The following TRMT9B variants were observed in gnomAD, a reference collection of about 807,000 sequenced individuals.
TRMT9B encodes the protein probable tRNA methyltransferase 9B.
In TRMT9B, 16 loss-of-function variants were observed where a neutral mutation model predicts 11.5. That is an observed-to-expected ratio of 1.39 (90% CI 0.94 to 2.11). The LOEUF is 2.11. Among genes scored for constraint, TRMT9B ranks in the 30% most tolerant of loss-of-function variants. The probability of loss-of-function intolerance (pLI) is 0.00; values close to 1 mark genes in which losing one functional copy is unlikely to be tolerated. For missense variants in TRMT9B, 941 were observed against 553.8 expected (o/e 1.70, Z -7.02); for synonymous variants, 274 against 192.4 (o/e 1.42, Z -3.51).
At chr8:13,020,923 C>G (rs1212000563) in intron 4 of TRMT9B, 85 bp from the exon 5 acceptor site, 3 of 874,632 alleles carry the variant, frequency 3.4e-6, no homozygotes, top group Admixed American at 3.5e-5. Flanking sequence ...AAAATTTCAT[C>G]CTTGTTATAT....
At position 13,006,303 on chromosome 8, in the gene TRMT9B, G is replaced by C; in HGVS notation, c.101G>C (p.Arg34Pro). 2.5e-6 allele frequency: 4 copies of C among 1,613,720 alleles called. No individual in the cohort carries two copies. In the East Asian group the frequency reaches 8.9e-5, roughly 36 times the overall value. ...GACCTGCAGAGCAAAGCCTGGCCTC[G>C]TGTCCGCCAGTTCCTGCAAGAGCAG... ...FSDLQSKAWPRVRQFLQEQKP... is the reference protein window; with the variant it reads ...FSDLQSKAWPPVRQFLQEQKP... The change falls in exon 3 of 5, where the codon CGT (arginine) becomes CCT (proline). Residue 34 changes from arginine (R) to proline (P), a missense_variant. Arg to Pro is a moderately radical substitution (Grantham distance 103). Transcript: ENST00000524591.
chr8:13,012,911 T>G, intron 4 of TRMT9B, 54 bp downstream of exon 4: 1 of 1,590,174 alleles, frequency 6.3e-7, no homozygotes, highest in Non-Finnish European at 8.6e-7. Context: ...ATTGACCCGG[T>G]TTAGTCCGTT....
intron 1 of TRMT9B, among the ~76,000 whole-genome samples, chr8:12,953,894 C>T (rs182271836): frequency 6.6e-6 from 1 of 152,264 alleles, no homozygotes; most frequent in East Asian, 1.9e-4. Context: ...GCTTTATTAA[C>T]GCATTTGATC....
At position 13,020,598 on chromosome 8, in the gene TRMT9B, C is replaced by T. The variant is rs556305920; in HGVS notation, c.329-410C>T. Among the ~76,000 whole-genome samples the T allele has an allele frequency of 2.0e-5, 3 of 152,148 alleles. No homozygotes were observed. In the South Asian group the frequency reaches 6.2e-4, roughly 32 times the overall value. ...ATTGTTCATTAAAACAATGAATTAC[C>T]TCATAGAATTCAAAGGGAACATTTA... On this transcript the variant is annotated intron_variant, in intron 4 of 4. Coordinates refer to ENST00000524591, the MANE Select transcript of TRMT9B (RefSeq NM_020844.3).
At chr8:13,012,517 G>A (rs753276336) in intron 3 of TRMT9B, 167 bp from the exon 4 acceptor site, 57 of 860,646 alleles carry the variant, frequency 6.6e-5, no homozygotes, top group Non-Finnish European at 6.0e-5. Context: ...AGAGGTTGCA[G>A]TGAACCGAGA....
chr8:12,995,199 T>A (rs1179275559), intron 2 of TRMT9B, among the ~76,000 whole-genome samples: 1 of 152,226 alleles, frequency 6.6e-6, no homozygotes, highest in Non-Finnish European at 1.5e-5. Flanking sequence ...ATTGTTAACC[T>A]TTGGCATTAT....
intron 2 of TRMT9B, among the ~76,000 whole-genome samples, chr8:12,997,167 G>A (rs1335558654): frequency 6.6e-6 from 1 of 151,960 alleles, no homozygotes; most frequent in Non-Finnish European, 1.5e-5. Flanking sequence ...GTTAAAATGT[G>A]ACCCCCAATG....
At chr8:13,001,986 T>C (rs1422993095) in intron 2 of TRMT9B, among the ~76,000 whole-genome samples, 1 of 152,246 alleles carries the variant, frequency 6.6e-6, no homozygotes, top group Non-Finnish European at 1.5e-5. Context: ...ATAAAATTCA[T>C]GTGGAAACTA....
chr8:12,990,400 A>G (rs1197555249), intron 1 of TRMT9B, among the ~76,000 whole-genome samples: 1 of 152,220 alleles, frequency 6.6e-6, no homozygotes, highest in Non-Finnish European at 1.5e-5. Context: ...GTGAACAATG[A>G]TGAATAACTA....
chr8:12,955,901 T>G (rs1407769791), intron 1 of TRMT9B, among the ~76,000 whole-genome samples: 1 of 152,046 alleles, frequency 6.6e-6, no homozygotes, highest in Admixed American at 6.6e-5. Flanking sequence ...GCCTGGGGGC[T>G]GGGAATCAGA....
chr8:13,010,777 C>G, intron 3 of TRMT9B: 1 of 982,664 alleles, frequency 1.0e-6, no homozygotes, highest in Non-Finnish European at 1.2e-6. Flanking sequence ...GGTTATTTTT[C>G]TTAAAATAGG....
At chr8:12,968,455 C>G (rs997373553) in intron 1 of TRMT9B, among the ~76,000 whole-genome samples, 6 of 152,144 alleles carry the variant, frequency 3.9e-5, no homozygotes, top group Admixed American at 2.0e-4. Flanking sequence ...TTAGCAATTT[C>G]TGGTATATTT....
intron 1 of TRMT9B, among the ~76,000 whole-genome samples, chr8:12,971,882 A>G (rs1447805737): frequency 6.6e-6 from 1 of 152,160 alleles, no homozygotes; most frequent in Non-Finnish European, 1.5e-5. Flanking sequence ...GGGCCAGGCC[A>G]TGTTTAGAAT....
At chr8:13,017,656 C>T (rs950415838) in intron 4 of TRMT9B, among the ~76,000 whole-genome samples, 6 of 148,416 alleles carry the variant, frequency 4.0e-5, no homozygotes, top group African/African-American at 1.5e-4. Context: ...CTCTGTCACC[C>T]AGGTTGGAGT....
At position 13,027,657 on chromosome 8, in the gene TRMT9B, G is replaced by C. The variant is rs548577856; in HGVS notation, c.*5613G>C. The C allele has an allele frequency of 6.0e-6, 1 of 167,016 alleles. No homozygotes were observed. Among genetic ancestry groups the C allele is most frequent in the East Asian group, 1.9e-4 (1 of 5,188 alleles). 10.3% of individuals were successfully genotyped at this position (167,016 alleles called of 1,614,324 possible). A position where few individuals can be genotyped will look rare whatever the true frequency, so the allele number is the denominator to read the frequency against. ...TGACAAGTAATTCCCACATTCCCTAGATATATACTTGGATTTCAAATGCCA... is the reference window on the plus strand; with the variant it reads ...TGACAAGTAATTCCCACATTCCCTACATATATACTTGGATTTCAAATGCCA... On this transcript the variant is annotated 3_prime_UTR_variant, in exon 5 of 5. Coordinates refer to ENST00000524591, the MANE Select transcript of TRMT9B (RefSeq NM_020844.3).
At chr8:12,953,436 G>C (rs2977086) in intron 1 of TRMT9B, among the ~76,000 whole-genome samples, 109,479 of 151,790 alleles carry the variant, frequency 0.72, 40,156 homozygotes, top group Middle Eastern at 0.87. Context: ...TACAACTTCC[G>C]TCTCCCGAGT....
chr8:13,009,918 G>A (rs909886421), intron 3 of TRMT9B, among the ~76,000 whole-genome samples: 4 of 152,028 alleles, frequency 2.6e-5, no homozygotes, highest in African/African-American at 9.7e-5. Context: ...TTTTAGCTCA[G>A]GAGTTCGAGA....
At chr8:13,015,153 C>T (rs914334769) in intron 4 of TRMT9B, among the ~76,000 whole-genome samples, 1 of 151,548 alleles carries the variant, frequency 6.6e-6, no homozygotes, top group Non-Finnish European at 1.5e-5. Flanking sequence ...TGTCTACACT[C>T]ATTTTATTTT....
At chr8:13,002,907 C>T (rs1040026622) in intron 2 of TRMT9B, among the ~76,000 whole-genome samples, 4 of 152,142 alleles carry the variant, frequency 2.6e-5, no homozygotes, top group African/African-American at 9.7e-5. Flanking sequence ...CTCCCATCTG[C>T]CAGTTTGCAG....
Sources: allele counts gnomAD v4.1 joint callset (sites outside exome capture counted in the v4.1 genomes callset), GRCh38; gene constraint gnomAD v4.1.1; transcripts MANE v1.5; gene names NCBI Gene and HGNC (gene_info 2026-07-23, HGNC 2026-07-21).